Variants in FAM117A observed in about 807,000 individuals in gnomAD.
FAM117A encodes protein FAM117A.
In FAM117A, 21 loss-of-function variants were observed where a neutral mutation model predicts 44.1. That is an observed-to-expected ratio of 0.48 (90% CI 0.34 to 0.69). The LOEUF is 0.69. Among genes scored for constraint, FAM117A ranks in the 30% least tolerant of loss-of-function variants. FAM117A has a pLI of 0.01. For missense variants in FAM117A, 498 were observed against 589.9 expected, an observed-to-expected ratio of 0.84 and a Z score of 1.61; for synonymous variants, 220 against 238.3, an observed-to-expected ratio of 0.92 and a Z score of 0.71.
chr17:49,750,593 G>A (rs1307992926), intron 1 of FAM117A, among the ~76,000 whole-genome samples: 1 of 151,772 alleles, frequency 6.6e-6, no homozygotes, highest in Non-Finnish European at 1.5e-5. Context: ...TGGCCAACAT[G>A]GTGAAACCCC....
In FAM117A at chr17:49,710,496, C is replaced by G. The variant is rs779608140; in HGVS notation, c.*759G>C. 3 of 152,606 alleles carry G rather than the reference C, an allele frequency of 2.0e-5. No individual in the cohort carries two copies. The highest frequency in any genetic ancestry group is 4.4e-5 in the Non-Finnish European group (3 of 68,036). 9.5% of individuals were successfully genotyped at this position (152,606 alleles called of 1,614,324 possible). On this transcript the variant is annotated 3_prime_UTR_variant, in exon 8 of 8. Coordinates refer to ENST00000240364, the MANE Select transcript of FAM117A (RefSeq NM_030802.4). ...CTTCAAACAGCTGCAAAAATAGTGT[C>G]TTTGGGAGAAAATAGAGTCTCTACA...
chr17:49,740,456 A>G (rs561085470), intron 1 of FAM117A, among the ~76,000 whole-genome samples: 27 of 152,246 alleles, frequency 1.8e-4, no homozygotes, highest in Admixed American at 7.2e-4. Context: ...TCACCGTGTT[A>G]GCCAGGATGG....
At chr17:49,723,243 G>C (rs893617275) in intron 2 of FAM117A, among the ~76,000 whole-genome samples, 3 of 152,056 alleles carry the variant, frequency 2.0e-5, no homozygotes, top group African/African-American at 7.2e-5. Flanking sequence ...CCACAGTTCT[G>C]AATCCAGCCC....
intron 7 of FAM117A, among the ~76,000 whole-genome samples, chr17:49,715,186 G>T (rs945227350): frequency 6.6e-6 from 1 of 152,180 alleles, no homozygotes; most frequent in Non-Finnish European, 1.5e-5. Flanking sequence ...GAGGACCTAG[G>T]AGTCTTGAAG....
Position 49,785,522 on chromosome 17 carries a change from A to C in FAM117A, c.-621+2975T>G, listed in dbSNP as rs566108085. Among the ~76,000 whole-genome samples, 169 of 148,634 alleles carry C rather than the reference A, an allele frequency of 1.1e-3. 1 individual carries two copies. In the South Asian group the frequency reaches 0.019, roughly 17 times the overall value. ...GTGAGACACTGTCTCTTAAAAAACA[A>C]AAAACAAAAACAAAAACTTGTCCAA... On this transcript the variant is annotated intron_variant, in intron 1 of 7. Transcript: ENST00000513602.
chr17:49,733,525 T>C (rs2073596069), intron 1 of FAM117A, among the ~76,000 whole-genome samples: 1 of 151,652 alleles, frequency 6.6e-6, no homozygotes, highest in South Asian at 2.1e-4. Flanking sequence ...ATACAAAAAT[T>C]AGCCGGGCGT....
chr17:49,711,677 A>G, intron 7 of FAM117A, 122 bp from the exon 8 acceptor site: 1 of 937,848 alleles, frequency 1.1e-6, no homozygotes, highest in Middle Eastern at 2.4e-4. Flanking sequence ...TTCAAACAGA[A>G]TTGGAACTTG....
intron 1 of FAM117A, among the ~76,000 whole-genome samples, chr17:49,777,233 C>T (rs902424340): frequency 6.6e-6 from 1 of 152,042 alleles, no homozygotes; most frequent in African/African-American, 2.4e-5. Context: ...GTCCTCCAGA[C>T]AGTATTTTAT....
At chr17:49,783,796 C>T (rs570688809) in intron 1 of FAM117A, among the ~76,000 whole-genome samples, 1 of 152,334 alleles carries the variant, frequency 6.6e-6, no homozygotes, top group Non-Finnish European at 1.5e-5. Flanking sequence ...GACCTGGCTA[C>T]ACTAGCATTG....
chr17:49,767,911 T>TA (rs533542842), upstream of FAM117A, among the ~76,000 whole-genome samples: 5,189 of 141,774 alleles, frequency 0.037, 291 homozygotes, highest in African/African-American at 0.12. Context: ...AAAATAATAA[T>TA]AAAAAAAAAA....
intron 1 of FAM117A, among the ~76,000 whole-genome samples, chr17:49,735,531 C>T (rs1330179352): frequency 6.6e-6 from 1 of 152,172 alleles, no homozygotes; most frequent in East Asian, 1.9e-4. Context: ...ATACCTTTTC[C>T]CATGTATTAA....
intron 3 of FAM117A, 91 bp from the exon 4 acceptor site, chr17:49,720,527 C>A (rs1319515917): frequency 1.7e-5 from 16 of 919,358 alleles, no homozygotes; most frequent in African/African-American, 3.3e-5. Flanking sequence ...CTGGCAGAGG[C>A]CCATGAAGAT....
chr17:49,722,606 GAA>G lies in FAM117A; in HGVS notation c.367-14_367-13del. The G allele has an allele frequency of 2.5e-6, 4 of 1,610,552 alleles. No individual in the cohort carries two copies. Among genetic ancestry groups the G allele is most frequent in the Non-Finnish European group, 2.5e-6 (3 of 1,177,662 alleles). ...CAGGACAGGGGCGTCTGCAGGGAGA[GAA>G]ACACAGTGAGACACAGCAGCTTCTT... On this transcript the variant is annotated splice_polypyrimidine_tract_variant and intron_variant, in intron 2 of 7. Coordinates refer to ENST00000240364, the MANE Select transcript of FAM117A (RefSeq NM_030802.4).
chr17:49,758,638 A>AAAAAT (rs2073709295), intron 1 of FAM117A, among the ~76,000 whole-genome samples: 3 of 135,184 alleles, frequency 2.2e-5, no homozygotes, highest in East Asian at 4.6e-4. Flanking sequence ...AAAAAAAAAT[A>AAAAAT]AAATAAATAA....
intron 1 of FAM117A, among the ~76,000 whole-genome samples, chr17:49,779,498 G>A (rs1318487780): frequency 6.6e-6 from 1 of 152,192 alleles, no homozygotes; most frequent in Non-Finnish European, 1.5e-5. Flanking sequence ...AGGGTGGGTG[G>A]AGTGCTTTGC....
At chr17:49,714,319 T>A (rs1025070380) in intron 7 of FAM117A, among the ~76,000 whole-genome samples, 1 of 150,680 alleles carries the variant, frequency 6.6e-6, no homozygotes, top group African/African-American at 2.4e-5. Flanking sequence ...AAATCACTGA[T>A]GGATCACCAC....
chr17:49,723,696 A>G (rs1284337555), intron 2 of FAM117A, among the ~76,000 whole-genome samples: 4 of 152,004 alleles, frequency 2.6e-5, no homozygotes, highest in Non-Finnish European at 4.4e-5. Flanking sequence ...TCGCCACCCA[A>G]CAGCTGCTAA....
At chr17:49,788,559 T>A (rs900651908) in exon 1 of FAM117A, 1 of 400,552 alleles carries the variant, frequency 2.5e-6, no homozygotes, top group Non-Finnish European at 4.5e-6. Flanking sequence ...AACTTCAAAA[T>A]GGCGCCCACT....
At chr17:49,780,672 C>A (rs2073787062) in intron 1 of FAM117A, among the ~76,000 whole-genome samples, 2 of 151,890 alleles carry the variant, frequency 1.3e-5, no homozygotes, top group East Asian at 3.9e-4. Context: ...CGCCCAGCCT[C>A]TCCTCACCAC....
Sources: allele counts gnomAD v4.1 joint callset (sites outside exome capture counted in the v4.1 genomes callset), GRCh38; gene constraint gnomAD v4.1.1; transcripts MANE v1.5; gene names NCBI Gene and HGNC (gene_info 2026-07-23, HGNC 2026-07-21).